The following PMFBP1 variants were observed in gnomAD, a reference collection of about 807,000 sequenced individuals.
PMFBP1 encodes the protein polyamine modulated factor 1 binding protein 1.
PMFBP1 carries 131 observed loss-of-function variants against 137.8 expected under a neutral mutation model. That is an observed-to-expected ratio of 0.95 (90% confidence interval 0.82 to 1.10). The LOEUF is 1.10. Among genes scored for constraint, PMFBP1 ranks in the 50% least tolerant of loss-of-function variants. The pLI is 0.00. For synonymous variants in PMFBP1, 490 were observed against 450.4 expected, an observed-to-expected ratio of 1.09 and a Z score of -1.11; for missense variants, 1,199 against 1,175.4, an observed-to-expected ratio of 1.02 and a Z score of -0.29.
At chr16:72,220,915 C>A in the PMFBP1 span, among the ~76,000 whole-genome samples, 1 of 152,188 alleles carries the variant, frequency 6.6e-6, no homozygotes, top group Admixed American at 6.5e-5. Flanking sequence ...AAAGTACCCC[C>A]TGGACATCTT....
chr16:72,181,475 A>G (rs1205125565), upstream of PMFBP1, among the ~76,000 whole-genome samples: 2 of 152,114 alleles, frequency 1.3e-5, no homozygotes, highest in Non-Finnish European at 2.9e-5. Context: ...CCACTTTTCA[A>G]ACATCTGAGA....
At position 72,154,430 on chromosome 16, in the gene PMFBP1, G is replaced by A. The variant is rs536146561; in HGVS notation, c.195C>T (p.Phe65=). 26 of 1,614,016 alleles carry A rather than the reference G, an allele frequency of 1.6e-5. No homozygotes were observed. Among genetic ancestry groups the A allele is most frequent in the African/African-American group, 5.3e-5 (4 of 75,000 alleles). ...HDKKQAQALA[F]EESEVEFGSS... is the part of the protein sequence containing the mutation. ...ACCCAAATTCCACCTCTGACTCCTC[G>A]AATGCTAATGCCTGTGCTTGCTTCT... Residue 65 remains phenylalanine, a synonymous_variant, in exon 4 of 21, where the codon TTC becomes TTT. Transcript: ENST00000237353.
the PMFBP1 span, among the ~76,000 whole-genome samples, chr16:72,199,996 C>T: frequency 3.3e-5 from 5 of 152,188 alleles, no homozygotes; most frequent in East Asian, 1.9e-4. Context: ...TGAAGGGAAG[C>T]GATGCAGTGA....
rs923015519 is a variant in PMFBP1 at position 72,139,694 on chromosome 16, G to A, written c.808-295C>T. 2.0e-5 allele frequency among the ~76,000 whole-genome samples: 3 copies of A among 152,278 alleles called. No homozygotes were observed. The East Asian group carries it at 5.8e-4, about 29-fold the overall frequency. The stretch of plus-strand genomic sequence containing the variant: ...CAGAAGAAGGTTCTTCAGGGGCTGT[G>A]ATGGAGAGATATACCTAATCTATCA... On this transcript the variant is annotated intron_variant, in intron 6 of 20. Coordinates refer to ENST00000237353, the MANE Select transcript of PMFBP1 (RefSeq NM_031293.3).
the PMFBP1 span, among the ~76,000 whole-genome samples, chr16:72,248,456 T>A: frequency 6.6e-6 from 1 of 152,116 alleles, no homozygotes; most frequent in Non-Finnish European, 1.5e-5. Context: ...TGTGACTGAA[T>A]CAGTGAATAT....
At chr16:72,243,253 AGTGATGTTAT>A in the PMFBP1 span, among the ~76,000 whole-genome samples, 12 of 152,224 alleles carry the variant, frequency 7.9e-5, no homozygotes, top group Admixed American at 3.9e-4. Context: ...CAATAATAAT[AGTGATGTTAT>A]GTGCTGTCAA....
the PMFBP1 span, among the ~76,000 whole-genome samples, chr16:72,232,471 G>T: frequency 6.6e-6 from 1 of 152,076 alleles, no homozygotes; most frequent in Admixed American, 6.6e-5. Flanking sequence ...TGGTAAAGCA[G>T]GGATAGTCAA....
chr16:72,122,111 A>G (rs750009537), intron 19 of PMFBP1, among the ~76,000 whole-genome samples: 6 of 152,096 alleles, frequency 3.9e-5, no homozygotes, highest in Non-Finnish European at 7.4e-5. Context: ...CTAAGTTCTC[A>G]TCATTTAGCT....
chr16:72,117,250 T>C (rs886453344), downstream of PMFBP1, among the ~76,000 whole-genome samples: 34 of 57,342 alleles, frequency 5.9e-4, no homozygotes, highest in Admixed American at 2.8e-4. Flanking sequence ...ATTTGTTTAT[T>C]TTTTTTGCTA....
chr16:72,148,791 G>C (rs1473359362), intron 5 of PMFBP1, among the ~76,000 whole-genome samples: 1 of 152,216 alleles, frequency 6.6e-6, no homozygotes, highest in African/African-American at 2.4e-5. Flanking sequence ...GGTGGAGACT[G>C]TGCTGGGCCT....
At chr16:72,184,632 G>C in the PMFBP1 span, among the ~76,000 whole-genome samples, 2 of 152,314 alleles carry the variant, frequency 1.3e-5, no homozygotes, top group African/African-American at 4.8e-5. Context: ...ATGGGGTAAA[G>C]GTGGAATTCA....
At chr16:72,138,752 G>A (rs949718293) in intron 7 of PMFBP1, among the ~76,000 whole-genome samples, 1 of 152,240 alleles carries the variant, frequency 6.6e-6, no homozygotes, top group South Asian at 2.1e-4. Context: ...CTGACCTCAA[G>A]TGATCTGCTC....
chr16:72,119,306 G>A lies in PMFBP1; in HGVS notation c.*32C>T, dbSNP rs544806021. On this transcript the variant is annotated 3_prime_UTR_variant, in exon 21 of 21. Transcript: ENST00000237353. Reference sequence around the variant, plus strand: ...CTCACTGTCCTCTGAAGAAACACCCGTGGAAATGCTGCTCAGGGCTAGATG... The same window carrying A: ...CTCACTGTCCTCTGAAGAAACACCCATGGAAATGCTGCTCAGGGCTAGATG... 1.5e-5 allele frequency: 24 copies of A among 1,607,778 alleles called. No individual in the cohort carries two copies. Among genetic ancestry groups the A allele is most frequent in the Admixed American group, 6.7e-5 (4 of 60,014 alleles).
At chr16:72,202,157 C>G in the PMFBP1 span, among the ~76,000 whole-genome samples, 1 of 152,128 alleles carries the variant, frequency 6.6e-6, no homozygotes, top group South Asian at 2.1e-4. Context: ...AATGAGTCGA[C>G]TTGGGACTGG....
chr16:72,126,625 GA>G (rs2042463283), intron 14 of PMFBP1, among the ~76,000 whole-genome samples: 1 of 152,214 alleles, frequency 6.6e-6, no homozygotes, highest in African/African-American at 2.4e-5. Context: ...GCACATGACA[GA>G]GTTTCAGGAA....
the PMFBP1 span, among the ~76,000 whole-genome samples, chr16:72,221,591 A>C: frequency 7.0e-3 from 1,064 of 152,316 alleles, 17 homozygotes; most frequent in African/African-American, 0.023. Flanking sequence ...AGTGACAGGC[A>C]GATGAAGGGT....
At chr16:72,239,901 G>GAAAAAAAA in the PMFBP1 span, among the ~76,000 whole-genome samples, 1 of 87,784 alleles carries the variant, frequency 1.1e-5, no homozygotes, top group Non-Finnish European at 2.2e-5. Context: ...AAAAAAAAAA[G>GAAAAAAAA]AAAAAAAAAA....
At position 72,139,384 on chromosome 16, in the gene PMFBP1, T is replaced by C. The variant is rs759063919; in HGVS notation, c.823A>G (p.Lys275Glu). ...TCGGCTTGTAGTTTTATCAAAGCCT[T>C]TTCACGCTCCAGAACCTGCAAATAA... ...CSNALVLERE[K>E]ALIKLQADFA... is the part of the protein sequence containing the mutation. Residue 275 changes from lysine to glutamate, a missense_variant, in exon 7 of 21, where the codon AAG (lysine) becomes GAG (glutamate). By Grantham distance (56) the Lys-to-Glu change is moderately conservative. Transcript: ENST00000237353. 3.1e-6 allele frequency: 5 copies of C among 1,613,922 alleles called. No individual in the cohort carries two copies. The South Asian group carries it at 4.4e-5, about 14-fold the overall frequency.
At chr16:72,208,600 G>A in the PMFBP1 span, among the ~76,000 whole-genome samples, 5 of 152,244 alleles carry the variant, frequency 3.3e-5, no homozygotes, top group Non-Finnish European at 5.9e-5. Context: ...TGGGGCAAAG[G>A]AATAATCCAG....
Sources: gnomAD v4.1 joint callset for allele counts (sites outside exome capture counted in the v4.1 genomes callset) on GRCh38, gnomAD v4.1.1 for gene constraint, MANE v1.5 for transcripts, NCBI Gene and HGNC (gene_info 2026-07-23, HGNC 2026-07-21) for gene names.